Variants in XKR4 observed in about 807,000 individuals in gnomAD.
XKR4 encodes XK-related protein 4.
In XKR4, 12 loss-of-function variants were observed where a neutral mutation model predicts 53.9. That is an observed-to-expected ratio of 0.22 (90% CI 0.14 to 0.36). XKR4 has a LOEUF of 0.36. Among genes scored for constraint, XKR4 ranks in the 10% least tolerant of loss-of-function variants. The probability of loss-of-function intolerance (pLI) is 1.00; values close to 1 mark genes in which losing one functional copy is unlikely to be tolerated. For missense variants in XKR4, 799 were observed against 859.5 expected, an observed-to-expected ratio of 0.93 and a Z score of 0.88; for synonymous variants, 354 against 362.4, an observed-to-expected ratio of 0.98 and a Z score of 0.26.
intron 1 of XKR4, among the ~76,000 whole-genome samples, chr8:55,228,958 G>C (rs1391966011): frequency 1.3e-5 from 2 of 152,004 alleles, no homozygotes; most frequent in South Asian, 2.1e-4. Context: ...CTGATCACGG[G>C]GTTCCCTTCC....
At position 55,540,277 on chromosome 8, in the gene XKR4, C is replaced by T. The variant is rs1232664371; in HGVS notation, c.*16050C>T. On this transcript the variant is annotated 3_prime_UTR_variant, in exon 3 of 3. Coordinates refer to ENST00000327381, the MANE Select transcript of XKR4 (RefSeq NM_052898.2). ...GGATATTTCCCATTAACATTGTATT[C>T]CATGAACAAGTGATAGAAAACATAT... The T allele has an allele frequency of 6.6e-6, 1 of 152,126 alleles. No homozygotes were observed. The highest frequency in any genetic ancestry group is 1.5e-5 in the Non-Finnish European group (1 of 68,028). The allele number at this position is 152,126 out of a possible 1,614,324, so 9.4% of individuals were successfully genotyped here. A position where few individuals can be genotyped will look rare whatever the true frequency, so the allele number is the denominator to read the frequency against.
chr8:55,189,377 C>T (rs1425352448), intron 1 of XKR4, among the ~76,000 whole-genome samples: 4 of 152,096 alleles, frequency 2.6e-5, no homozygotes, highest in Admixed American at 6.5e-5. Flanking sequence ...CAATGAACGG[C>T]GGGGATACAT....
intron 2 of XKR4, among the ~76,000 whole-genome samples, chr8:55,436,716 C>T (rs928067522): frequency 4.6e-5 from 7 of 152,184 alleles, no homozygotes; most frequent in African/African-American, 9.7e-5. Context: ...GCACCAGGCA[C>T]GGGATTCAGG....
intron 1 of XKR4, among the ~76,000 whole-genome samples, chr8:55,310,727 C>T (rs1437053002): frequency 2.0e-5 from 3 of 152,132 alleles, no homozygotes; most frequent in Admixed American, 2.0e-4. Flanking sequence ...ACTCAACAGA[C>T]ATTTATGGGA....
At chr8:55,451,365 C>A in intron 2 of XKR4, 1 of 689,574 alleles carries the variant, frequency 1.5e-6, no homozygotes, top group Non-Finnish European at 2.6e-6. Context: ...TGTGACTCCC[C>A]ACGTGGGCTG....
chr8:55,521,534 A>G (rs1023770915), intron 2 of XKR4, among the ~76,000 whole-genome samples: 19 of 152,218 alleles, frequency 1.2e-4, no homozygotes, highest in African/African-American at 4.3e-4. Context: ...TGTGACTTAC[A>G]GCAATTAAAG....
chr8:55,248,398 C>G (rs1396927705), intron 1 of XKR4, among the ~76,000 whole-genome samples: 1 of 152,252 alleles, frequency 6.6e-6, no homozygotes, highest in Admixed American at 6.5e-5. Context: ...GTAATTGCCT[C>G]TACCTGCATC....
At chr8:55,225,522 A>C (rs1033712524) in intron 1 of XKR4, among the ~76,000 whole-genome samples, 2 of 152,208 alleles carry the variant, frequency 1.3e-5, no homozygotes, top group Non-Finnish European at 2.9e-5. Context: ...CCATGCCTGG[A>C]AATATCTATG....
rs557980076 is a variant in XKR4 at position 55,404,400 on chromosome 8, T to A, written c.1006+46523T>A. Among the ~76,000 whole-genome samples the A allele has an allele frequency of 3.9e-5, 6 of 152,300 alleles. No homozygotes were observed. In the South Asian group the frequency reaches 1.2e-3, roughly 32 times the overall value. ...CAGATCAGGAAATGAACCCAAAGGC[T>A]TATTTAGGAACCATGATCAGCAGCA... On this transcript the variant is annotated intron_variant, in intron 2 of 2. Transcript: ENST00000327381.
At chr8:55,156,845 T>A (rs1816914509) in intron 1 of XKR4, among the ~76,000 whole-genome samples, 1 of 152,232 alleles carries the variant, frequency 6.6e-6, no homozygotes, top group Non-Finnish European at 1.5e-5. Flanking sequence ...GTAGGAAGAT[T>A]ACACCAACAA....
In XKR4 at chr8:55,454,357, C is replaced by G. The variant is rs1158101111; in HGVS notation, c.1007-68924C>G. On this transcript the variant is annotated intron_variant, in intron 2 of 2. Coordinates refer to ENST00000327381, the MANE Select transcript of XKR4 (RefSeq NM_052898.2). Reference sequence around the variant, plus strand: ...TGAGGGCCTCCAGCAGCTGGGCCGGCAGGATGGGCACATAGGTGAAGCTGT... The same window carrying G: ...TGAGGGCCTCCAGCAGCTGGGCCGGGAGGATGGGCACATAGGTGAAGCTGT... The G allele has an allele frequency of 2.0e-6, 3 of 1,510,254 alleles. No individual in the cohort carries two copies. The Admixed American group carries it at 5.1e-5, about 25-fold the overall frequency. 93.6% of individuals were successfully genotyped at this position (1,510,254 alleles called of 1,614,324 possible).
chr8:55,524,148 G>A lies in XKR4; in HGVS notation c.1874G>A (p.Cys625Tyr), dbSNP rs756130370. The A allele has an allele frequency of 1.2e-5, 19 of 1,614,218 alleles. No homozygotes were observed. Among genetic ancestry groups the A allele is most frequent in the Middle Eastern group, 1.6e-4 (1 of 6,062 alleles). The change falls in exon 3 of 3, where the codon TGT becomes TAT. Residue 625 changes from cysteine to tyrosine, a missense_variant. By Grantham distance (194) the Cys-to-Tyr change is radical. Transcript: ENST00000327381. ...CGAAAGGCTATTTTAGCTTTTGAAT[G>A]TTCCCCATCTCCTCCAAGGCTGCAG... ...SLRKAILAFE[C>Y]SPSPPRLQYK...
At chr8:55,449,635 C>T (rs1224527813) in intron 2 of XKR4, 7 of 1,003,072 alleles carry the variant, frequency 7.0e-6, no homozygotes, top group Admixed American at 3.4e-5. Flanking sequence ...CATCCACGCT[C>T]TTAGGGGCAC....
At chr8:55,417,865 G>T (rs558445035) in intron 2 of XKR4, among the ~76,000 whole-genome samples, 2 of 152,160 alleles carry the variant, frequency 1.3e-5, no homozygotes, top group Non-Finnish European at 2.9e-5. Flanking sequence ...GATGCTGAAT[G>T]GAATTTGAGT....
Position 55,303,208 on chromosome 8 carries a change from C to G in XKR4, c.807-54470C>G, listed in dbSNP as rs182599017. Among the ~76,000 whole-genome samples, 986 of 152,110 alleles carry G rather than the reference C, an allele frequency of 6.5e-3. 14 individuals are homozygous for G. The highest frequency in any genetic ancestry group is 5.2e-3 in the Non-Finnish European group (351 of 67,978). On this transcript the variant is annotated intron_variant, in intron 1 of 2. Coordinates refer to ENST00000327381, the MANE Select transcript of XKR4 (RefSeq NM_052898.2). ...TTTATTGAGAGTTTTTAGCATGAAG[C>G]GTTGTTGAATTTTGTCAAAGGACTT...
intron 1 of XKR4, among the ~76,000 whole-genome samples, chr8:55,149,109 G>T (rs1439848564): frequency 6.6e-6 from 1 of 152,104 alleles, no homozygotes; most frequent in Non-Finnish European, 1.5e-5. Flanking sequence ...TGTAATGAAT[G>T]TATTTGGATA....
At chr8:55,453,552 G>GTAGGGCACCCATCCAGTAGGGCA (rs1554527147) in intron 2 of XKR4, 3 of 378,680 alleles carry the variant, frequency 7.9e-6, no homozygotes, top group Non-Finnish European at 5.1e-6. Context: ...GCAGTCATGC[G>GTAGGGCACCCATCCAGTAGGGCA]GGGCCCTGAG....
At position 55,230,044 on chromosome 8, in the gene XKR4, T is replaced by C. The variant is rs372366657; in HGVS notation, c.806+126750T>C. The stretch of plus-strand genomic sequence containing the variant: ...TTTCTCTCACTCTATGTGGGTTGTG[T>C]TGCAATCATTTTCTAAGCACACTTC... On this transcript the variant is annotated intron_variant, in intron 1 of 2. Transcript: ENST00000327381. Among the ~76,000 whole-genome samples, 38 of 152,254 alleles carry C rather than the reference T, an allele frequency of 2.5e-4. 1 individual carries two copies. The South Asian group carries it at 6.8e-3, about 27-fold the overall frequency.
At chr8:55,454,069 C>T in intron 2 of XKR4, 1 of 824,838 alleles carries the variant, frequency 1.2e-6, no homozygotes, top group Non-Finnish European at 2.1e-6. Flanking sequence ...AGAGCCGCAG[C>T]TCTTTGTCCT....
Sources: gnomAD v4.1 joint callset for allele counts (sites outside exome capture counted in the v4.1 genomes callset) on GRCh38, gnomAD v4.1.1 for gene constraint, MANE v1.5 for transcripts, NCBI Gene and HGNC (gene_info 2026-07-23, HGNC 2026-07-21) for gene names.